Variants in RALYL observed in about 807,000 individuals in gnomAD.
RALYL encodes the protein RALY RNA binding protein like.
Under a neutral mutation model 35.1 loss-of-function variants are expected in RALYL, and 29 were observed. The observed-to-expected ratio is 0.83, with a 90% CI of 0.61 to 1.13. RALYL has a LOEUF of 1.13. Among genes scored for constraint, RALYL ranks in the 50% most tolerant of loss-of-function variants. The pLI is 0.00. For missense variants in RALYL, 359 were observed against 360.4 expected (o/e 1.00, Z 0.03); for synonymous variants, 120 against 127.6 (o/e 0.94, Z 0.40).
chr8:84,749,000 A>G (rs1485585242), intron 2 of RALYL, among the ~76,000 whole-genome samples: 3 of 152,142 alleles, frequency 2.0e-5, no homozygotes, highest in Non-Finnish European at 4.4e-5. Context: ...ACTTTCTGAA[A>G]AGAGAATTTT....
chr8:84,404,221 C>T (rs915025356), intron 1 of RALYL, among the ~76,000 whole-genome samples: 8 of 151,696 alleles, frequency 5.3e-5, no homozygotes, highest in Non-Finnish European at 7.4e-5. Context: ...AAATAGGAGT[C>T]GTGAGAGAGG....
intron 1 of RALYL, among the ~76,000 whole-genome samples, chr8:84,238,505 A>T (rs989063078): frequency 6.6e-6 from 1 of 152,170 alleles, no homozygotes; most frequent in East Asian, 1.9e-4. Context: ...GAACTGTAGC[A>T]TATATCAACC....
chr8:84,802,064 AT>A (rs964097173), intron 3 of RALYL, among the ~76,000 whole-genome samples: 54 of 152,230 alleles, frequency 3.5e-4, no homozygotes, highest in African/African-American at 1.2e-3. Context: ...TAAAGGCCAC[AT>A]AGCAAATATT....
intron 2 of RALYL, among the ~76,000 whole-genome samples, chr8:84,550,651 T>G (rs1455655299): frequency 1.3e-5 from 2 of 151,740 alleles, no homozygotes; most frequent in Non-Finnish European, 2.9e-5. Context: ...AGGCTTATAT[T>G]ATAACAGAAA....
chr8:84,213,956 A>G (rs2131207872), intron 1 of RALYL, among the ~76,000 whole-genome samples: 1 of 152,282 alleles, frequency 6.6e-6, no homozygotes, highest in Middle Eastern at 3.4e-3. Context: ...ATTTGAATGA[A>G]GAAAATGTGA....
intron 7 of RALYL, among the ~76,000 whole-genome samples, chr8:84,877,348 G>T (rs1215885383): frequency 6.6e-6 from 1 of 152,094 alleles, no homozygotes; most frequent in East Asian, 1.9e-4. Flanking sequence ...TTAGCCGGAT[G>T]TGGTGGCACA....
At chr8:84,362,400 G>A (rs1168543307) in intron 1 of RALYL, among the ~76,000 whole-genome samples, 5 of 152,090 alleles carry the variant, frequency 3.3e-5, no homozygotes, top group Admixed American at 6.6e-5. Context: ...CTCAGCATCT[G>A]ATGTGTCCCT....
chr8:84,791,859 C>T (rs892689920), intron 3 of RALYL, among the ~76,000 whole-genome samples: 9 of 152,190 alleles, frequency 5.9e-5, no homozygotes, highest in African/African-American at 1.7e-4. Context: ...CTCTGTGTGT[C>T]CCAGATTGCT....
intron 1 of RALYL, among the ~76,000 whole-genome samples, chr8:84,484,632 AC>A (rs1181045822): frequency 3.9e-5 from 6 of 152,158 alleles, no homozygotes; most frequent in Admixed American, 6.6e-5. Context: ...TTGCCAATCT[AC>A]AGTATTCATT....
At chr8:84,305,390 A>C (rs549474898) in intron 1 of RALYL, among the ~76,000 whole-genome samples, 60 of 152,338 alleles carry the variant, frequency 3.9e-4, no homozygotes, top group East Asian at 3.9e-4. Flanking sequence ...AATAAGAAAC[A>C]ATATGTTCAG....
intron 2 of RALYL, among the ~76,000 whole-genome samples, chr8:84,735,975 A>T (rs1847235450): frequency 6.6e-6 from 1 of 151,942 alleles, no homozygotes; most frequent in Middle Eastern, 3.2e-3. Flanking sequence ...AGTCAAACAC[A>T]TGTGATTATG....
chr8:84,751,768 G>C lies in RALYL; in HGVS notation c.257-22811G>C, dbSNP rs566978601. 5.3e-5 allele frequency among the ~76,000 whole-genome samples: 8 copies of C among 152,208 alleles called. No homozygotes were observed. In the East Asian group the frequency reaches 1.4e-3, roughly 26 times the overall value. On this transcript the variant is annotated intron_variant, in intron 2 of 8. Transcript: ENST00000521268. The stretch of plus-strand genomic sequence containing the variant: ...GACTGCCCCCTTTGCCCTGTGCCAA[G>C]ATTGAAAGTTTCCTGAGGCCTCCCA...
chr8:84,434,954 T>C (rs983059605), intron 1 of RALYL, among the ~76,000 whole-genome samples: 2 of 152,186 alleles, frequency 1.3e-5, no homozygotes, highest in African/African-American at 4.8e-5. Context: ...TTCAAAGTAA[T>C]GAATGCAAAG....
chr8:84,805,898 A>G (rs1460350690), intron 4 of RALYL, among the ~76,000 whole-genome samples: 2 of 152,178 alleles, frequency 1.3e-5, no homozygotes, highest in East Asian at 3.8e-4. Context: ...TGAAAAATGC[A>G]ATGTCTTGCC....
chr8:84,696,671 TGA>T (rs1839211972), intron 2 of RALYL, among the ~76,000 whole-genome samples: 1 of 148,332 alleles, frequency 6.7e-6, no homozygotes, highest in African/African-American at 2.4e-5. Flanking sequence ...AAATAAAATG[TGA>T]GACTCTTTTT....
intron 8 of RALYL, among the ~76,000 whole-genome samples, chr8:84,897,741 G>A (rs117437299): frequency 0.014 from 2,114 of 152,138 alleles, 31 homozygotes; most frequent in Non-Finnish European, 0.023. Flanking sequence ...AATAACAACC[G>A]AAAGAATTTT....
At chr8:84,870,040 G>C (rs981378890) in intron 6 of RALYL, among the ~76,000 whole-genome samples, 3 of 152,124 alleles carry the variant, frequency 2.0e-5, no homozygotes, top group East Asian at 3.9e-4. Context: ...TACAGTGATA[G>C]TGATGCAACC....
intron 1 of RALYL, among the ~76,000 whole-genome samples, chr8:84,459,042 G>A (rs1043339982): frequency 1.3e-5 from 2 of 151,530 alleles, no homozygotes; most frequent in African/African-American, 2.4e-5. Flanking sequence ...AAAAAATCTT[G>A]AAACATAATG....
chr8:84,555,889 G>A (rs1201894429), intron 2 of RALYL, among the ~76,000 whole-genome samples: 1 of 152,152 alleles, frequency 6.6e-6, no homozygotes, highest in Non-Finnish European at 1.5e-5. Context: ...GCACTATAAA[G>A]AGCAGGTGAA....
Sources: allele counts gnomAD v4.1 joint callset (sites outside exome capture counted in the v4.1 genomes callset), GRCh38; gene constraint gnomAD v4.1.1; transcripts MANE v1.5; gene names NCBI Gene and HGNC (gene_info 2026-07-23, HGNC 2026-07-21).